The following NAA35 variants were observed in gnomAD, a reference collection of about 807,000 sequenced individuals.
NAA35 encodes MAK10 homolog, amino-acid N-acetyltransferase subunit.
NAA35 carries 18 observed loss-of-function variants against 101.7 expected under a neutral mutation model. The observed-to-expected ratio is 0.18, with a 90% CI of 0.12 to 0.26. The LOEUF (loss-of-function observed/expected upper bound fraction) is 0.26, where lower values mean the gene tolerates loss of function less well. Ranked by LOEUF, NAA35 falls within the 10% of genes least tolerant of loss-of-function variation. NAA35 has a pLI of 1.00. For missense variants in NAA35, 601 were observed against 886.8 expected (o/e 0.68, Z 4.09); for synonymous variants, 267 against 273.1 (o/e 0.98, Z 0.22).
intron 19 of NAA35, among the ~76,000 whole-genome samples, chr9:86,018,012 T>C (rs1832315462): frequency 6.6e-6 from 1 of 152,250 alleles, no homozygotes; most frequent in African/African-American, 2.4e-5. Flanking sequence ...GTACTAACTC[T>C]TAAGTTGTAC....
Position 85,962,083 on chromosome 9 carries a change from T to C in NAA35, c.419T>C (p.Phe140Ser). The stretch of plus-strand genomic sequence containing the variant: ...TGCCTTTACATTCATAATCCAGACT[T>C]TATAGAAGATCCTGCTATGAAGGCT... ...FTCLYIHNPDFIEDPAMKAFA... is the reference protein window; with the variant it reads ...FTCLYIHNPDSIEDPAMKAFA... Residue 140 changes from phenylalanine to serine, a missense_variant, in exon 6 of 23, where the codon TTT becomes TCT. By Grantham distance (155) the Phe-to-Ser change is radical. Transcript: ENST00000361671. The C allele has an allele frequency of 6.2e-7, 1 of 1,614,126 alleles. No individual in the cohort carries two copies. The highest frequency in any genetic ancestry group is 8.5e-7 in the Non-Finnish European group (1 of 1,180,006).
At chr9:85,993,397 T>G (rs1293637645) in intron 11 of NAA35, among the ~76,000 whole-genome samples, 1 of 152,142 alleles carries the variant, frequency 6.6e-6, no homozygotes, top group African/African-American at 2.4e-5. Context: ...GGTCTTGAAC[T>G]CCCTCAAGTG....
At chr9:85,984,043 T>C (rs1365338721) in intron 11 of NAA35, among the ~76,000 whole-genome samples, 1 of 122,652 alleles carries the variant, frequency 8.2e-6, no homozygotes, top group Admixed American at 7.8e-5. Flanking sequence ...AAAAAAAAAA[T>C]CACTGGATGT....
intron 6 of NAA35, among the ~76,000 whole-genome samples, chr9:85,969,915 TTC>T (rs532121612): frequency 2.1e-3 from 318 of 152,260 alleles, no homozygotes; most frequent in Non-Finnish European, 2.9e-3. Flanking sequence ...TTTCTTCTTT[TTC>T]TCTCTGCTCT....
intron 3 of NAA35, 41 bp downstream of exon 3, chr9:85,956,434 C>T (rs775434728): frequency 8.1e-7 from 1 of 1,228,952 alleles, no homozygotes; most frequent in African/African-American, 1.6e-5. Flanking sequence ...TGTAATGTTT[C>T]AGTCTGTTTT....
At chr9:85,976,026 T>A (rs1830194891) in intron 8 of NAA35, among the ~76,000 whole-genome samples, 1 of 152,170 alleles carries the variant, frequency 6.6e-6, no homozygotes, top group Non-Finnish European at 1.5e-5. Flanking sequence ...TTTTTTTGAT[T>A]TTTACAATTC....
intron 11 of NAA35, among the ~76,000 whole-genome samples, chr9:85,991,222 T>C (rs1443476049): frequency 6.6e-6 from 1 of 151,776 alleles, no homozygotes; most frequent in Admixed American, 6.6e-5. Context: ...GAGAGAGGCA[T>C]GGGGTGTGGG....
At chr9:86,015,523 T>G (rs1832165562) in intron 17 of NAA35, 1 of 156,622 alleles carries the variant, frequency 6.4e-6, no homozygotes, top group East Asian at 1.9e-4. Flanking sequence ...CACAAATTTT[T>G]GGGCTAAGTT....
At chr9:85,966,935 C>T (rs893061291) in intron 6 of NAA35, among the ~76,000 whole-genome samples, 5 of 152,184 alleles carry the variant, frequency 3.3e-5, no homozygotes, top group Admixed American at 2.0e-4. Flanking sequence ...GGCGAAACCC[C>T]GTCTCTACTG....
At chr9:85,993,393 G>C (rs1831011275) in intron 11 of NAA35, among the ~76,000 whole-genome samples, 1 of 152,112 alleles carries the variant, frequency 6.6e-6, no homozygotes, top group Admixed American at 6.5e-5. Flanking sequence ...GGCTGGTCTT[G>C]AACTCCCTCA....
intron 8 of NAA35, among the ~76,000 whole-genome samples, chr9:85,976,148 C>T (rs1006284467): frequency 6.6e-6 from 1 of 152,110 alleles, no homozygotes; most frequent in Non-Finnish European, 1.5e-5. Flanking sequence ...ATGTAAATGG[C>T]AGCTTTAGGG....
intron 6 of NAA35, among the ~76,000 whole-genome samples, chr9:85,964,480 T>A (rs1003920122): frequency 6.6e-6 from 1 of 151,332 alleles, no homozygotes; most frequent in African/African-American, 2.5e-5. Context: ...GATTCCATTT[T>A]TGTTAATTGA....
intron 10 of NAA35, among the ~76,000 whole-genome samples, chr9:85,977,937 T>G (rs1047864845): frequency 1.3e-5 from 2 of 152,120 alleles, no homozygotes; most frequent in African/African-American, 4.8e-5. Context: ...TCTTCCCATT[T>G]TTTTTTTCCT....
chr9:85,972,127 CTCT>C (rs1371691656), intron 6 of NAA35, among the ~76,000 whole-genome samples: 1 of 152,082 alleles, frequency 6.6e-6, no homozygotes, highest in Non-Finnish European at 1.5e-5. Context: ...TTTCCTAAGA[CTCT>C]TCTTGGCAAA....
At chr9:85,977,991 T>C (rs1037910636) in intron 10 of NAA35, among the ~76,000 whole-genome samples, 31 of 152,042 alleles carry the variant, frequency 2.0e-4, no homozygotes, top group African/African-American at 7.2e-4. Context: ...ATTTTTTCAT[T>C]TTCTAGTTGA....
chr9:85,976,500 A>G (rs1830218319), intron 8 of NAA35, among the ~76,000 whole-genome samples, 185 bp from the exon 9 acceptor site: 1 of 152,148 alleles, frequency 6.6e-6, no homozygotes, highest in South Asian at 2.1e-4. Context: ...TTTATGTCAA[A>G]ATGACCTTTC....
Position 86,016,668 on chromosome 9 carries a change from A to G in NAA35, c.1698A>G (p.Lys566=), listed in dbSNP as rs747854126. The change falls in exon 18 of 23, where the codon AAA becomes AAG. Residue 566 remains lysine (K), a synonymous_variant. Transcript: ENST00000361671. ...GTAGTAGTAAAAAAACAAAGAAAAA[A>G]AAGAAAGGTGCTGTGGATTATTTTT... ...KGRSSKKTKK[K]KKVRPLSREI... is the part of the protein sequence containing the mutation. 8.1e-6 allele frequency: 13 copies of G among 1,612,076 alleles called. No homozygotes were observed. The highest frequency in any genetic ancestry group is 8.5e-7 in the Non-Finnish European group (1 of 1,179,734).
rs765683563 is a variant in NAA35, at chr9:85,977,426, A to G, written c.742A>G (p.Ile248Val). The G allele has an allele frequency of 1.2e-6, 2 of 1,609,938 alleles. No homozygotes were observed. The highest frequency in any genetic ancestry group is 2.2e-5 in the South Asian group (2 of 90,996). Reference sequence around the variant, plus strand: ...TACTCGTGTGTTACTGACAGTGCTTATAGCCTTTACTAAGAAAGAGGTAAG... The same window carrying G: ...TACTCGTGTGTTACTGACAGTGCTTGTAGCCTTTACTAAGAAAGAGGTAAG... ...KFTRVLLTVL[I>V]AFTKKETSAV... The change falls in exon 10 of 23, where the codon ATA (isoleucine) becomes GTA (valine). Residue 248 changes from isoleucine (I) to valine (V), a missense_variant. Coordinates refer to ENST00000361671, the MANE Select transcript of NAA35 (RefSeq NM_024635.4).
intron 12 of NAA35, among the ~76,000 whole-genome samples, chr9:86,000,696 A>G (rs1342712650): frequency 1.3e-5 from 2 of 152,080 alleles, no homozygotes; most frequent in Admixed American, 1.3e-4. Context: ...AGAGATGTTC[A>G]TAGTAGTTTC....
Sources: allele counts gnomAD v4.1 joint callset (sites outside exome capture counted in the v4.1 genomes callset), GRCh38; gene constraint gnomAD v4.1.1; transcripts MANE v1.5; gene names NCBI Gene and HGNC (gene_info 2026-07-23, HGNC 2026-07-21).